The following CDK17 variants were observed in gnomAD, a reference collection of about 807,000 sequenced individuals.
CDK17 encodes the protein cyclin-dependent kinase 17.
A neutral mutation model predicts 77.6 loss-of-function variants in CDK17; 24 were observed. The observed-to-expected ratio is 0.31, with a 90% CI of 0.22 to 0.44. The LOEUF (loss-of-function observed/expected upper bound fraction) is 0.44, where lower values mean the gene tolerates loss of function less well. Among genes scored for constraint, CDK17 ranks in the 20% least tolerant of loss-of-function variants. The probability of loss-of-function intolerance (pLI) is 1.00; values close to 1 mark genes in which losing one functional copy is unlikely to be tolerated. For missense variants in CDK17, 429 were observed against 622.5 expected (o/e 0.69, Z 3.31); for synonymous variants, 203 against 210.4 (o/e 0.96, Z 0.30).
chr12:96,391,296 CT>C (rs1213844794), intron 1 of CDK17, among the ~76,000 whole-genome samples: 123 of 135,514 alleles, frequency 9.1e-4, no homozygotes, highest in African/African-American at 2.1e-3. Flanking sequence ...TTTTTTTTTT[CT>C]TTTTTTTTTT....
chr12:96,309,589 T>C (rs546114427), intron 5 of CDK17, among the ~76,000 whole-genome samples: 1 of 152,236 alleles, frequency 6.6e-6, no homozygotes, highest in South Asian at 2.1e-4. Context: ...AAAGGTCCTG[T>C]ATATAAAGTA....
At chr12:96,302,505 T>C (rs1952521676) in intron 5 of CDK17, among the ~76,000 whole-genome samples, 1 of 152,118 alleles carries the variant, frequency 6.6e-6, no homozygotes, top group African/African-American at 2.4e-5. Context: ...TTGTGTCATC[T>C]TTTATGGGGG....
intron 6 of CDK17, among the ~76,000 whole-genome samples, chr12:96,300,078 A>G (rs1952474824): frequency 6.6e-6 from 1 of 152,314 alleles, no homozygotes; most frequent in Non-Finnish European, 1.5e-5. Context: ...TTCAATAAAA[A>G]TTTCAAAGCT....
chr12:96,388,506 G>C lies in CDK17; in HGVS notation c.-30+11480C>G, dbSNP rs532193595. On this transcript the variant is annotated intron_variant, in intron 1 of 16. Transcript: ENST00000261211. ...GGAGTAGAGGCATATTAGAAAATCT[G>C]GGAAATATGCAAAGTTCAAAAAGCC... is the stretch of plus-strand genomic sequence containing the variant. 3.9e-5 allele frequency among the ~76,000 whole-genome samples: 6 copies of C among 152,210 alleles called. No homozygotes were observed. The South Asian group carries it at 1.2e-3, about 32-fold the overall frequency.
intron 1 of CDK17, 159 bp from the exon 2 acceptor site, chr12:96,335,024 T>C (rs1953023302): frequency 1.5e-6 from 1 of 674,832 alleles, no homozygotes; most frequent in African/African-American, 1.8e-5. Flanking sequence ...TTAAAAAGAT[T>C]CACCTACTCC....
chr12:96,334,232 C>T (rs920170248), intron 2 of CDK17, among the ~76,000 whole-genome samples: 15 of 152,276 alleles, frequency 9.9e-5, no homozygotes, highest in African/African-American at 3.6e-4. Context: ...GTATTTAACA[C>T]ACTTAACAAG....
intron 1 of CDK17, among the ~76,000 whole-genome samples, chr12:96,377,975 G>A (rs1458597710): frequency 6.6e-6 from 1 of 152,170 alleles, no homozygotes. Flanking sequence ...TTACAGGCGT[G>A]AGCCACTGCG....
intron 1 of CDK17, among the ~76,000 whole-genome samples, chr12:96,337,700 T>C (rs1044579302): frequency 9.8e-5 from 15 of 152,308 alleles, no homozygotes; most frequent in African/African-American, 3.6e-4. Flanking sequence ...CTCATGCCAT[T>C]TGTTTAAACA....
At chr12:96,304,903 C>T (rs1057226231) in intron 5 of CDK17, among the ~76,000 whole-genome samples, 1 of 152,142 alleles carries the variant, frequency 6.6e-6, no homozygotes, top group African/African-American at 2.4e-5. Flanking sequence ...TCTATATAGT[C>T]TATTGGTAAA....
chr12:96,371,068 A>G lies in CDK17; in HGVS notation c.-30+28918T>C, dbSNP rs1953683212. Reference sequence around the variant, plus strand: ...CTTCCTGGGTTTCATCGTATTATAAACTCCTTAAGGAAAGAAACATATTTT... The same window carrying G: ...CTTCCTGGGTTTCATCGTATTATAAGCTCCTTAAGGAAAGAAACATATTTT... On this transcript the variant is annotated intron_variant, in intron 1 of 16. Coordinates refer to ENST00000261211, the MANE Select transcript of CDK17 (RefSeq NM_002595.5). Among the ~76,000 whole-genome samples, 3 of 151,748 alleles carry G rather than the reference A, an allele frequency of 2.0e-5. No homozygotes were observed. In the South Asian group the frequency reaches 6.3e-4, roughly 32 times the overall value.
At position 96,334,764 on chromosome 12, in the gene CDK17, A is replaced by G. The variant is rs374813261; in HGVS notation, c.73T>C (p.Leu25=). ...SQTIDESLSE[L]AEQMTIEENS... ...TCTTCAATAGTCATTTGTTCAGCCA[A>G]TTCAGACAATGATTCATCAATAGTC... The change falls in exon 2 of 17, where the codon TTG becomes CTG. Residue 25 remains leucine, a synonymous_variant. Coordinates refer to ENST00000261211, the MANE Select transcript of CDK17 (RefSeq NM_002595.5). 7.0e-5 allele frequency: 113 copies of G among 1,612,320 alleles called. No homozygotes were observed. In the Middle Eastern group the frequency reaches 9.9e-4, roughly 14 times the overall value.
At chr12:96,371,523 T>G (rs531118668) in intron 1 of CDK17, among the ~76,000 whole-genome samples, 1 of 152,294 alleles carries the variant, frequency 6.6e-6, no homozygotes, top group African/African-American at 2.4e-5. Flanking sequence ...CAGGGCACAG[T>G]GGCTCAAGCC....
In CDK17 at chr12:96,280,140, A is replaced by G. The variant is rs1275148080; in HGVS notation, c.*102T>C. ...CACTGTGAAGAGGACAGTGTAGACA[A>G]ACGGAGATTCCAAGTCCACCAAAAG... On this transcript the variant is annotated 3_prime_UTR_variant, in exon 17 of 17. Coordinates refer to ENST00000261211, the MANE Select transcript of CDK17 (RefSeq NM_002595.5). 1.7e-6 allele frequency: 2 copies of G among 1,184,444 alleles called. No homozygotes were observed. The highest frequency in any genetic ancestry group is 5.2e-5 in the East Asian group (2 of 38,312). The allele number at this position is 1,184,444 out of a possible 1,614,324, so 73.4% of individuals were successfully genotyped here. A position where few individuals can be genotyped will look rare whatever the true frequency, so the allele number is the denominator to read the frequency against.
chr12:96,335,993 G>A (rs1447748335), intron 1 of CDK17, among the ~76,000 whole-genome samples: 1 of 152,010 alleles, frequency 6.6e-6, no homozygotes, highest in African/African-American at 2.4e-5. Context: ...AGCTGTAAAT[G>A]TTTTGCTTAT....
rs867058549 is a variant in CDK17 at position 96,316,034 on chromosome 12, A to G, written c.284-2580T>C. The stretch of plus-strand genomic sequence containing the variant: ...GAAGACGGGTGATTTCTGCATTTCC[A>G]TCTGAGGTACCGGGTTCATCTCATT... On this transcript the variant is annotated intron_variant, in intron 3 of 16. Transcript: ENST00000261211. 4.4e-4 allele frequency among the ~76,000 whole-genome samples: 67 copies of G among 152,142 alleles called. 2 individuals are homozygous for G. Among genetic ancestry groups the G allele is most frequent in the East Asian group, 1.9e-4 (1 of 5,184 alleles).
intron 1 of CDK17, among the ~76,000 whole-genome samples, chr12:96,354,572 C>T (rs1030931460): frequency 7.2e-5 from 11 of 152,140 alleles, no homozygotes; most frequent in Non-Finnish European, 1.2e-4. Context: ...CATCTCTTTG[C>T]TTAGAATTTA....
At chr12:96,337,265 A>G (rs373730102) in intron 1 of CDK17, among the ~76,000 whole-genome samples, 145 of 151,528 alleles carry the variant, frequency 9.6e-4, no homozygotes, top group Non-Finnish European at 1.6e-3. Flanking sequence ...CAACTTCCTC[A>G]GTCGTTTTTT....
At chr12:96,328,861 A>G (rs934760129) in intron 2 of CDK17, among the ~76,000 whole-genome samples, 5 of 152,122 alleles carry the variant, frequency 3.3e-5, no homozygotes, top group Admixed American at 3.3e-4. Flanking sequence ...ACCCAAGGAG[A>G]GGGTATAGAC....
intron 1 of CDK17, among the ~76,000 whole-genome samples, chr12:96,343,199 AAAC>A (rs1953148255): frequency 6.6e-6 from 1 of 152,252 alleles, no homozygotes; most frequent in African/African-American, 2.4e-5. Flanking sequence ...TAAACTGGAA[AAAC>A]AACAAGAATC....
Sources: allele counts gnomAD v4.1 joint callset (sites outside exome capture counted in the v4.1 genomes callset), GRCh38; gene constraint gnomAD v4.1.1; transcripts MANE v1.5; gene names NCBI Gene and HGNC (gene_info 2026-07-23, HGNC 2026-07-21).